RYR3: variants seen among roughly 807,000 people sequenced by gnomAD.
The protein encoded by RYR3 is brain ryanodine receptor-calcium release channel.
Under a neutral mutation model 584.3 loss-of-function variants are expected in RYR3, and 207 were observed. The observed-to-expected ratio is 0.35, with a 90% CI of 0.32 to 0.40. RYR3 has a LOEUF of 0.40. Among genes scored for constraint, RYR3 ranks in the 10% least tolerant of loss-of-function variants. The pLI is 1.00. For synonymous variants in RYR3, 2,416 were observed against 2,248.5 expected, an observed-to-expected ratio of 1.07 and a Z score of -2.11; for missense variants, 5,616 against 6,089.2, an observed-to-expected ratio of 0.92 and a Z score of 2.59.
In RYR3 at chr15:33,581,585, A is replaced by C. The variant is rs772896221; in HGVS notation, c.1515A>C (p.Ala505=). The part of the protein sequence containing the change: ...YNSVAHFAGI[A]REESGMAWKE... Reference sequence around the variant, plus strand: ...GCGTAGCACACTTTGCAGGGATTGCAAGGGAAGAGAGTGGCATGGCCTGGA... The same window carrying C: ...GCGTAGCACACTTTGCAGGGATTGCCAGGGAAGAGAGTGGCATGGCCTGGA... The change falls in exon 14 of 104, where the codon GCA becomes GCC. Residue 505 remains alanine, a synonymous_variant. Coordinates refer to ENST00000634891, the MANE Select transcript of RYR3 (RefSeq NM_001036.6). 1.2e-6 allele frequency: 2 copies of C among 1,613,772 alleles called. No individual in the cohort carries two copies. The highest frequency in any genetic ancestry group is 1.7e-6 in the Non-Finnish European group (2 of 1,179,672).
chr15:33,419,725 T>A (rs187118805), intron 1 of RYR3, among the ~76,000 whole-genome samples: 123 of 152,274 alleles, frequency 8.1e-4, no homozygotes, highest in African/African-American at 2.8e-3. Context: ...CTTTTAATTT[T>A]AAAATTCCAT....
chr15:33,590,800 A>G lies in RYR3; in HGVS notation c.1788+4684A>G, dbSNP rs142402367. Among the ~76,000 whole-genome samples, 488 of 152,282 alleles carry G rather than the reference A, an allele frequency of 3.2e-3. 1 individual carries two copies. Among genetic ancestry groups the G allele is most frequent in the African/African-American group, 0.01 (430 of 41,556 alleles). ...CTTTAAATATAATTTTACATCTCATAGGTTTGAGATGTAAAAATTCTTCCT... is the reference window on the plus strand; with the variant it reads ...CTTTAAATATAATTTTACATCTCATGGGTTTGAGATGTAAAAATTCTTCCT... On this transcript the variant is annotated intron_variant, in intron 16 of 103. Coordinates refer to ENST00000634891, the MANE Select transcript of RYR3 (RefSeq NM_001036.6).
At chr15:33,859,228 A>T (rs942581196) in intron 99 of RYR3, 2 of 215,658 alleles carry the variant, frequency 9.3e-6, no homozygotes, top group African/African-American at 4.6e-5. Context: ...CACAGCCTGA[A>T]GGCCAGGCTA....
chr15:33,594,008 C>T (rs531056566), intron 16 of RYR3, among the ~76,000 whole-genome samples: 1 of 152,260 alleles, frequency 6.6e-6, no homozygotes, highest in African/African-American at 2.4e-5. Flanking sequence ...CTGAGCCCAG[C>T]CATGAATTTG....
chr15:33,844,958 G>A lies in RYR3; in HGVS notation c.13393G>A (p.Val4465Ile), dbSNP rs1327424943. The change falls in exon 93 of 104, where the codon GTC becomes ATC. Residue 4465 changes from valine to isoleucine, a missense_variant. By Grantham distance (29) the Val-to-Ile change is conservative (BLOSUM62 3). Coordinates refer to ENST00000634891, the MANE Select transcript of RYR3 (RefSeq NM_001036.6). ...AGAGGAAGAAGCGATGGTATTCTTT[G>A]TCCTTCAGGAGAGCACCGGGTATAT... ...EEEEEAMVFFVLQESTGYMAP... is the reference protein window; with the variant it reads ...EEEEEAMVFFILQESTGYMAP... The A allele has an allele frequency of 6.2e-7, 1 of 1,613,874 alleles. No individual in the cohort carries two copies. Among genetic ancestry groups the A allele is most frequent in the African/African-American group, 1.3e-5 (1 of 74,916 alleles).
chr15:33,741,030 GAC>G (rs1372649475), intron 51 of RYR3, among the ~76,000 whole-genome samples: 1 of 152,226 alleles, frequency 6.6e-6, no homozygotes, highest in African/African-American at 2.4e-5. Flanking sequence ...GCTAAAGAAA[GAC>G]AAAGCAAATG....
At chr15:33,628,937 A>G (rs2152624713) in intron 21 of RYR3, among the ~76,000 whole-genome samples, 2 of 152,314 alleles carry the variant, frequency 1.3e-5, no homozygotes, top group Non-Finnish European at 2.9e-5. Context: ...TCAGAGGAGG[A>G]TAGGGAATCT....
chr15:33,413,986 T>C (rs2043599824), intron 1 of RYR3, among the ~76,000 whole-genome samples: 1 of 152,222 alleles, frequency 6.6e-6, no homozygotes, highest in South Asian at 2.1e-4. Context: ...ATTAATGTCA[T>C]TTAAACATCT....
rs1438837650 is a variant in RYR3 at position 33,580,050 on chromosome 15, C to A, written c.1343C>A (p.Ala448Asp). The part of the protein sequence containing the change: ...EVLQTLQDLI[A>D]YFQPPEEEMR... ...CTGCAGACCCTACAGGACTTGATCGCCTACTTCCAGCCCCCAGAGGAGGAG... is the reference window on the plus strand; with the variant it reads ...CTGCAGACCCTACAGGACTTGATCGACTACTTCCAGCCCCCAGAGGAGGAG... The change falls in exon 13 of 104, where the codon GCC becomes GAC. Residue 448 changes from alanine to aspartate, a missense_variant. Coordinates refer to ENST00000634891, the MANE Select transcript of RYR3 (RefSeq NM_001036.6). 5.0e-6 allele frequency: 8 copies of A among 1,613,718 alleles called. No homozygotes were observed. Among genetic ancestry groups the A allele is most frequent in the Non-Finnish European group, 5.9e-6 (7 of 1,179,756 alleles).
At chr15:33,465,565 G>A (rs2142127304) in intron 1 of RYR3, among the ~76,000 whole-genome samples, 1 of 151,664 alleles carries the variant, frequency 6.6e-6, no homozygotes, top group Middle Eastern at 3.4e-3. Context: ...GTAGGCCATA[G>A]TAAGATAAGA....
intron 27 of RYR3, 82 bp downstream of exon 27, chr15:33,636,632 C>T (rs1176813915): frequency 4.9e-6 from 6 of 1,236,366 alleles, no homozygotes; most frequent in Non-Finnish European, 6.8e-6. Context: ...TGCTCTACTT[C>T]CTTATTCGGT....
chr15:33,670,319 G>T, intron 37 of RYR3, 100 bp from the exon 38 acceptor site: 1 of 1,246,566 alleles, frequency 8.0e-7, no homozygotes, highest in Non-Finnish European at 1.1e-6. Flanking sequence ...TCTTTAGAAA[G>T]TTCCAGAAGG....
chr15:33,574,685 G>A (rs1345662411), intron 12 of RYR3, among the ~76,000 whole-genome samples: 6 of 152,254 alleles, frequency 3.9e-5, no homozygotes, highest in African/African-American at 4.8e-5. Context: ...TTTGGGCCCC[G>A]ATGAAAATCT....
rs1052222974 is a variant in RYR3 at position 33,694,523 on chromosome 15, C to T, written c.5861-1695C>T. Among the ~76,000 whole-genome samples the T allele has an allele frequency of 3.3e-5, 5 of 151,636 alleles. No homozygotes were observed. The East Asian group carries it at 7.8e-4, about 24-fold the overall frequency. On this transcript the variant is annotated intron_variant, in intron 38 of 103. Coordinates refer to ENST00000634891, the MANE Select transcript of RYR3 (RefSeq NM_001036.6). ...CCTCCCAAAGTGCTGGGATTACAGG[C>T]GTGAGCCACTGCGCCTGGCCTAGAT...
At chr15:33,614,544 A>T (rs756622270) in intron 19 of RYR3, among the ~76,000 whole-genome samples, 5 of 152,080 alleles carry the variant, frequency 3.3e-5, no homozygotes, top group African/African-American at 7.2e-5. Context: ...ATGTGGTGAA[A>T]CATTTTTTAT....
intron 1 of RYR3, among the ~76,000 whole-genome samples, chr15:33,346,273 A>G (rs974841413): frequency 6.6e-6 from 1 of 152,228 alleles, no homozygotes; most frequent in Non-Finnish European, 1.5e-5. Context: ...ACAAAAATGT[A>G]TTGAACGAAA....
At position 33,590,683 on chromosome 15, in the gene RYR3, G is replaced by T. The variant is rs187190295; in HGVS notation, c.1788+4567G>T. Among the ~76,000 whole-genome samples, 83 of 149,732 alleles carry T rather than the reference G, an allele frequency of 5.5e-4. 1 individual carries two copies. Among genetic ancestry groups the T allele is most frequent in the East Asian group, 2.6e-3 (13 of 5,048 alleles). ...TATTGTAAATGGGATTGCCTCGAAG[G>T]CATTTTCATATAATAAGTTAGTGTT... On this transcript the variant is annotated intron_variant, in intron 16 of 103. Transcript: ENST00000634891.
intron 10 of RYR3, among the ~76,000 whole-genome samples, chr15:33,551,189 C>T (rs528270133): frequency 3.9e-5 from 6 of 152,198 alleles, no homozygotes; most frequent in Non-Finnish European, 7.3e-5. Flanking sequence ...ATCATCCAAG[C>T]ATGAGAAGGG....
At chr15:33,788,192 G>T in intron 66 of RYR3, 26 bp from the exon 67 acceptor site, 1 of 1,612,490 alleles carries the variant, frequency 6.2e-7, no homozygotes, top group South Asian at 1.1e-5. Flanking sequence ...TACGTGAAAT[G>T]ACGGGGAGGC....
Sources: allele counts gnomAD v4.1 joint callset (sites outside exome capture counted in the v4.1 genomes callset), GRCh38; gene constraint gnomAD v4.1.1; transcripts MANE v1.5; gene names NCBI Gene and HGNC (gene_info 2026-07-23, HGNC 2026-07-21).